STEAP1B: variants seen among roughly 807,000 people sequenced by gnomAD.
STEAP1B encodes the protein STEAP family protein MGC87042.
A neutral mutation model predicts 27.9 loss-of-function variants in STEAP1B; 13 were observed. That is an observed-to-expected ratio of 0.47 (90% CI 0.30 to 0.74). STEAP1B has a LOEUF of 0.74. Among genes scored for constraint, STEAP1B ranks in the 30% least tolerant of loss-of-function variants. The pLI is 0.06. For synonymous variants in STEAP1B, 86 were observed against 107.1 expected, an observed-to-expected ratio of 0.80 and a Z score of 1.22; for missense variants, 250 against 298.7, an observed-to-expected ratio of 0.84 and a Z score of 1.20.
At chr7:22,424,446 A>G (rs1377460445) in intron 4 of STEAP1B, among the ~76,000 whole-genome samples, 1 of 152,264 alleles carries the variant, frequency 6.6e-6, no homozygotes, top group Non-Finnish European at 1.5e-5. Context: ...TGTAAATTTA[A>G]AGAGCTATAA....
At chr7:22,487,920 T>G (rs1786243415) in intron 4 of STEAP1B, among the ~76,000 whole-genome samples, 1 of 151,962 alleles carries the variant, frequency 6.6e-6, no homozygotes, top group African/African-American at 2.4e-5. Context: ...CAAATTATAT[T>G]AGCATCTGTA....
intron 4 of STEAP1B, among the ~76,000 whole-genome samples, chr7:22,463,138 A>G (rs1254457350): frequency 6.6e-6 from 1 of 152,114 alleles, no homozygotes; most frequent in Non-Finnish European, 1.5e-5. Context: ...TACAAAAATC[A>G]CAAGCATTCT....
chr7:22,456,973 T>TATATATATATATATATATATATATA (rs1554285707), intron 4 of STEAP1B, among the ~76,000 whole-genome samples: 3 of 59,272 alleles, frequency 5.1e-5, no homozygotes, highest in African/African-American at 7.7e-5. Context: ...TATATATATA[T>TATATATATATATATATATATATATA]TTTTTTTTTT....
chr7:22,487,804 C>CAAAAAAAA (rs200447382), intron 4 of STEAP1B, among the ~76,000 whole-genome samples: 27 of 81,254 alleles, frequency 3.3e-4, no homozygotes, highest in Admixed American at 6.6e-4. Context: ...AAACTCCACC[C>CAAAAAAAA]AAAAAAAAAA....
chr7:22,435,819 C>G (rs111482170), intron 4 of STEAP1B, among the ~76,000 whole-genome samples: 179 of 152,338 alleles, frequency 1.2e-3, no homozygotes, highest in African/African-American at 4.2e-3. Flanking sequence ...TGATATAAGA[C>G]TCAATTCAAG....
Position 22,456,972 on chromosome 7 carries a change from A to ATATATATATTTTT in STEAP1B, c.762+35592_762+35593insAAAAATATATATA. Among the ~76,000 whole-genome samples, 16 of 57,044 alleles carry ATATATATATTTTT rather than the reference A, an allele frequency of 2.8e-4. 1 individual carries two copies. Among genetic ancestry groups the ATATATATATTTTT allele is most frequent in the African/African-American group, 1.1e-3 (15 of 14,252 alleles). The allele number at this position is 57,044 out of a possible 152,430, so 37.4% of individuals were successfully genotyped here. On this transcript the variant is annotated intron_variant, in intron 4 of 4. Transcript: ENST00000678116. ...GGCAGCTATATATATATATATATAT[A>ATATATATATTTTT]TTTTTTTTTTTTTTAAGTATCCTGG...
intron 4 of STEAP1B, among the ~76,000 whole-genome samples, chr7:22,462,375 T>TC (rs1235102871): frequency 3.0e-5 from 3 of 99,878 alleles, no homozygotes; most frequent in Non-Finnish European, 5.9e-5. Flanking sequence ...ATGCTATCCC[T>TC]CCCCCCTCCC....
At chr7:22,485,035 G>A (rs181302222) in intron 4 of STEAP1B, among the ~76,000 whole-genome samples, 2 of 152,356 alleles carry the variant, frequency 1.3e-5, no homozygotes. Context: ...GGTTTCTTGA[G>A]ATGAAATCTA....
intron 4 of STEAP1B, among the ~76,000 whole-genome samples, chr7:22,481,098 T>G (rs966036193): frequency 1.3e-5 from 2 of 152,208 alleles, no homozygotes; most frequent in African/African-American, 4.8e-5. Context: ...CGTTTCACAG[T>G]AATGTAAACC....
At chr7:22,421,418 T>C (rs891182920) in intron 4 of STEAP1B, among the ~76,000 whole-genome samples, 2 of 152,344 alleles carry the variant, frequency 1.3e-5, no homozygotes, top group African/African-American at 2.4e-5. Context: ...CTGTACCCAT[T>C]TGGCAGTTGA....
chr7:22,444,752 G>C (rs1034080590), intron 4 of STEAP1B, among the ~76,000 whole-genome samples: 3 of 152,222 alleles, frequency 2.0e-5, no homozygotes, highest in African/African-American at 7.2e-5. Context: ...TTGCTGTTTT[G>C]TTGGTTTTCC....
intron 4 of STEAP1B, among the ~76,000 whole-genome samples, chr7:22,453,956 G>A (rs1785530631): frequency 6.6e-6 from 1 of 152,162 alleles, no homozygotes; most frequent in Admixed American, 6.5e-5. Context: ...ATGGACATTT[G>A]GGTAGTTTCT....
At chr7:22,487,746 G>A (rs1302777116) in intron 4 of STEAP1B, among the ~76,000 whole-genome samples, 2 of 137,514 alleles carry the variant, frequency 1.5e-5, no homozygotes, top group Non-Finnish European at 3.0e-5. Flanking sequence ...CGGAGGTTAC[G>A]ATGAACCAAG....
chr7:22,480,059 T>C (rs1317845185), intron 4 of STEAP1B, among the ~76,000 whole-genome samples: 1 of 152,190 alleles, frequency 6.6e-6, no homozygotes, highest in African/African-American at 2.4e-5. Context: ...GACATCTCCA[T>C]CACTGCAGCA....
Position 22,422,616 on chromosome 7 carries a change from C to T in STEAP1B, c.763-2780G>A, listed in dbSNP as rs564810769. Among the ~76,000 whole-genome samples, 341 of 152,160 alleles carry T rather than the reference C, an allele frequency of 2.2e-3. 1 individual carries two copies. Among genetic ancestry groups the T allele is most frequent in the Middle Eastern group, 6.8e-3 (2 of 294 alleles). On this transcript the variant is annotated intron_variant, in intron 4 of 4. Coordinates refer to ENST00000678116, the MANE Select transcript of STEAP1B (RefSeq NM_001382447.1). ...TCAAGTGATTCTCCTGCCTCAGCCT[C>T]CCGAGTAGCCGGGATTACAGGCACC...
At position 22,419,678 on chromosome 7, in the gene STEAP1B, T is replaced by C. The variant is rs887119168; in HGVS notation, c.*126A>G. The C allele has an allele frequency of 4.6e-5, 51 of 1,116,724 alleles. No homozygotes were observed. Among genetic ancestry groups the C allele is most frequent in the Non-Finnish European group, 5.0e-5 (40 of 807,748 alleles). The allele number at this position is 1,116,724 out of a possible 1,614,324, so 69.2% of individuals were successfully genotyped here. A position where few individuals can be genotyped will look rare whatever the true frequency, so the allele number is the denominator to read the frequency against. ...CGGATCCATGTTGACAGAGCAGCCGTCACCTGCAGCATGGCTGTTCATTGT... is the reference window on the plus strand; with the variant it reads ...CGGATCCATGTTGACAGAGCAGCCGCCACCTGCAGCATGGCTGTTCATTGT... On this transcript the variant is annotated 3_prime_UTR_variant, in exon 5 of 5. Coordinates refer to ENST00000678116, the MANE Select transcript of STEAP1B (RefSeq NM_001382447.1).
intron 1 of STEAP1B, among the ~76,000 whole-genome samples, chr7:22,497,152 G>T (rs993316782): frequency 7.9e-5 from 12 of 152,164 alleles, no homozygotes; most frequent in Admixed American, 4.6e-4. Flanking sequence ...TCAGTTTCCT[G>T]TTCTCCCATT....
chr7:22,424,507 C>T (rs1416927348), intron 4 of STEAP1B, among the ~76,000 whole-genome samples: 4 of 152,140 alleles, frequency 2.6e-5, no homozygotes, highest in Admixed American at 2.6e-4. Flanking sequence ...ATTTCATACT[C>T]ATCTGGGCAT....
intron 4 of STEAP1B, among the ~76,000 whole-genome samples, chr7:22,466,591 G>A (rs993535435): frequency 2.6e-5 from 4 of 152,122 alleles, no homozygotes; most frequent in African/African-American, 9.7e-5. Context: ...CTATGAGAAA[G>A]TAAATTTCTG....
Sources: allele counts gnomAD v4.1 joint callset (sites outside exome capture counted in the v4.1 genomes callset), GRCh38; gene constraint gnomAD v4.1.1; transcripts MANE v1.5; gene names NCBI Gene and HGNC (gene_info 2026-07-23, HGNC 2026-07-21).